The following OTOGL variants were observed in gnomAD, a reference collection of about 807,000 sequenced individuals.
The protein encoded by OTOGL is otogelin like.
In OTOGL, 285 loss-of-function variants were observed where a neutral mutation model predicts 318.5. The observed-to-expected ratio is 0.89, with a 90% confidence interval of 0.81 to 0.99. The LOEUF is 0.99. Among genes scored for constraint, OTOGL ranks in the 50% least tolerant of loss-of-function variants. The probability of loss-of-function intolerance (pLI) is 0.00; values close to 1 mark genes in which losing one functional copy is unlikely to be tolerated. For missense variants in OTOGL, 2,899 were observed against 2,845.6 expected, an observed-to-expected ratio of 1.02 and a Z score of -0.43; for synonymous variants, 987 against 936.5, an observed-to-expected ratio of 1.05 and a Z score of -0.99.
chr12:80,240,528 G>T (rs1267188306), intron 11 of OTOGL, among the ~76,000 whole-genome samples: 1 of 152,028 alleles, frequency 6.6e-6, no homozygotes, highest in Non-Finnish European at 1.5e-5. Flanking sequence ...AACTACTGCA[G>T]TTTGACATAG....
At chr12:80,259,290 C>T (rs1882325689) in intron 18 of OTOGL, among the ~76,000 whole-genome samples, 1 of 151,346 alleles carries the variant, frequency 6.6e-6, no homozygotes, top group Non-Finnish European at 1.5e-5. Context: ...GCTGGGCAGC[C>T]AGGGGACATT....
At chr12:80,163,835 A>G (rs748082319) in intron 1 of OTOGL, among the ~76,000 whole-genome samples, 1 of 152,166 alleles carries the variant, frequency 6.6e-6, no homozygotes, top group Non-Finnish European at 1.5e-5. Flanking sequence ...TAGTTATGCT[A>G]TGTTGCTAAT....
At chr12:80,274,432 G>T (rs1218256675) in intron 24 of OTOGL, among the ~76,000 whole-genome samples, 1 of 152,016 alleles carries the variant, frequency 6.6e-6, no homozygotes, top group Non-Finnish European at 1.5e-5. Flanking sequence ...ATTCTATAAT[G>T]GCTGAGGGAG....
At chr12:80,222,581 G>A (rs1208426933) in intron 7 of OTOGL, among the ~76,000 whole-genome samples, 1 of 152,136 alleles carries the variant, frequency 6.6e-6, no homozygotes, top group African/African-American at 2.4e-5. Flanking sequence ...GATACTATAT[G>A]ACTGAACTCA....
rs1886800748 is a variant in OTOGL at position 80,313,729 on chromosome 12, G to T, written c.3607+97G>T. 4 of 1,070,474 alleles carry T rather than the reference G, an allele frequency of 3.7e-6. No individual in the cohort carries two copies. The South Asian group carries it at 6.2e-5, about 17-fold the overall frequency. 66.3% of individuals were successfully genotyped at this position (1,070,474 alleles called of 1,614,324 possible). A position where few individuals can be genotyped will look rare whatever the true frequency, so the allele number is the denominator to read the frequency against. On this transcript the variant is annotated intron_variant, in intron 31 of 58. Coordinates refer to ENST00000547103, the MANE Select transcript of OTOGL (RefSeq NM_001378609.3). ...TTAGAAATAATGCCAGGAGACTCAT[G>T]GGAATAGAATTAAATTAAAATGACT...
intron 34 of OTOGL, 100 bp downstream of exon 34, chr12:80,320,800 G>A: frequency 8.0e-7 from 1 of 1,256,576 alleles, no homozygotes; most frequent in Non-Finnish European, 1.1e-6. Flanking sequence ...CTGCATATAA[G>A]CAGATAGACT....
intron 46 of OTOGL, among the ~76,000 whole-genome samples, chr12:80,354,002 A>G (rs1370056762): frequency 3.3e-5 from 5 of 152,162 alleles, no homozygotes; most frequent in Non-Finnish European, 7.4e-5. Flanking sequence ...TATGATTTGG[A>G]TGTGATTTGT....
At chr12:80,245,159 A>G (rs1205843234) in intron 11 of OTOGL, among the ~76,000 whole-genome samples, 2 of 71,666 alleles carry the variant, frequency 2.8e-5, no homozygotes, top group Non-Finnish European at 4.9e-5. Context: ...GAAGCTCTTT[A>G]GTTTAATTAG....
intron 19 of OTOGL, 50 bp from the exon 20 acceptor site, chr12:80,264,951 G>A: frequency 1.3e-6 from 2 of 1,545,520 alleles, no homozygotes; most frequent in Non-Finnish European, 1.8e-6. Context: ...GGATAATTCT[G>A]GGGTAAGATC....
chr12:80,174,969 G>C lies in OTOGL; in HGVS notation c.-19-34444G>C, dbSNP rs563029709. ...AAAACTGAGTAAAATACCTGGGAAA[G>C]TTTTTAAAATAAAAAAAAACTTAAT... is the stretch of plus-strand genomic sequence containing the variant. On this transcript the variant is annotated intron_variant, in intron 1 of 58. Transcript: ENST00000547103. Among the ~76,000 whole-genome samples the C allele has an allele frequency of 7.3e-4, 111 of 151,970 alleles. 1 individual carries two copies. Among genetic ancestry groups the C allele is most frequent in the African/African-American group, 2.6e-3 (108 of 41,492 alleles).
chr12:80,216,262 ACT>A (rs901151986), intron 4 of OTOGL, among the ~76,000 whole-genome samples: 5 of 152,084 alleles, frequency 3.3e-5, no homozygotes, highest in African/African-American at 1.2e-4. Flanking sequence ...CTGAGAAACA[ACT>A]CTGTTCCTGA....
chr12:80,283,177 T>C (rs1884360733), intron 26 of OTOGL, among the ~76,000 whole-genome samples: 1 of 151,978 alleles, frequency 6.6e-6, no homozygotes, highest in Non-Finnish European at 1.5e-5. Context: ...CTGACTCAAG[T>C]TCATCCTTAC....
chr12:80,372,154 T>A (rs1890915955), intron 57 of OTOGL, 90 bp downstream of exon 57: 3 of 829,348 alleles, frequency 3.6e-6, no homozygotes, highest in Non-Finnish European at 3.5e-6. Context: ...ATTCAATTCC[T>A]ATGATGCAAA....
intron 22 of OTOGL, 138 bp downstream of exon 22, chr12:80,267,465 G>A (rs1055552623): frequency 2.1e-5 from 6 of 286,712 alleles, no homozygotes; most frequent in East Asian, 1.1e-4. Context: ...GGTTTGTTAC[G>A]TATGTATACA....
At chr12:80,269,569 A>G (rs1232387995) in intron 22 of OTOGL, among the ~76,000 whole-genome samples, 3 of 152,084 alleles carry the variant, frequency 2.0e-5, no homozygotes, top group African/African-American at 4.8e-5. Flanking sequence ...GCACTTTGCT[A>G]TGTAGAATGC....
At chr12:80,135,860 G>C (rs890700416) in intron 1 of OTOGL, among the ~76,000 whole-genome samples, 3 of 152,136 alleles carry the variant, frequency 2.0e-5, no homozygotes, top group Admixed American at 2.0e-4. Context: ...GAACAGAAAG[G>C]CCGACTCTCA....
intron 9 of OTOGL, among the ~76,000 whole-genome samples, chr12:80,236,408 T>C (rs1386054338): frequency 2.0e-5 from 3 of 152,170 alleles, no homozygotes; most frequent in African/African-American, 7.2e-5. Context: ...CACCATTAGA[T>C]ATGGATTGAA....
At chr12:80,218,333 A>G (rs985530905) in intron 5 of OTOGL, among the ~76,000 whole-genome samples, 1 of 152,174 alleles carries the variant, frequency 6.6e-6, no homozygotes, top group Non-Finnish European at 1.5e-5. Context: ...CTCACTGAAG[A>G]TATAGTTGGA....
intron 1 of OTOGL, among the ~76,000 whole-genome samples, chr12:80,131,481 A>C (rs1871237370): frequency 6.6e-6 from 1 of 152,166 alleles, no homozygotes; most frequent in Non-Finnish European, 1.5e-5. Context: ...GTACAAAATA[A>C]TTTTTATGAA....
Sources: allele counts gnomAD v4.1 joint callset (sites outside exome capture counted in the v4.1 genomes callset), GRCh38; gene constraint gnomAD v4.1.1; transcripts MANE v1.5; gene names NCBI Gene and HGNC (gene_info 2026-07-23, HGNC 2026-07-21).